Variants in PDGFRB observed in about 807,000 individuals in gnomAD.
PDGFRB encodes the protein platelet derived growth factor receptor beta.
PDGFRB carries 42 observed loss-of-function variants against 120.2 expected under a neutral mutation model. That is an observed-to-expected ratio of 0.35 (90% CI 0.27 to 0.45). The LOEUF (loss-of-function observed/expected upper bound fraction) is 0.45. Ranked by LOEUF, PDGFRB falls within the 20% of genes least tolerant of loss-of-function variation. PDGFRB has a pLI of 1.00. For missense variants in PDGFRB, 1,149 were observed against 1,476.3 expected (o/e 0.78, Z 3.63); for synonymous variants, 586 against 606.8 (o/e 0.97, Z 0.50).
At chr5:150,142,236 G>A (rs1325375134) in intron 1 of PDGFRB, among the ~76,000 whole-genome samples, 1 of 152,096 alleles carries the variant, frequency 6.6e-6, no homozygotes, top group African/African-American at 2.4e-5. Context: ...TGATCGGTGG[G>A]GCTGAAGCTC....
At chr5:150,118,648 G>T in intron 21 of PDGFRB, 99 bp downstream of exon 21, 1 of 781,706 alleles carries the variant, frequency 1.3e-6, no homozygotes, top group South Asian at 1.4e-5. Context: ...ACAAAGGGTG[G>T]TCCCCTAAAT....
intron 22 of PDGFRB, among the ~76,000 whole-genome samples, chr5:150,116,247 A>C (rs1759928853): frequency 6.6e-6 from 1 of 152,148 alleles, no homozygotes; most frequent in Non-Finnish European, 1.5e-5. Flanking sequence ...GCACTCCTAA[A>C]GGTGTATGCT....
In PDGFRB at chr5:150,124,159, C is replaced by T. The variant is rs572666689; in HGVS notation, c.2023+91G>A. On this transcript the variant is annotated intron_variant, in intron 14 of 22. Coordinates refer to ENST00000261799, the MANE Select transcript of PDGFRB (RefSeq NM_002609.4). The stretch of plus-strand genomic sequence containing the variant: ...GCACGGACCCTCCAGCAGGAGTGTG[C>T]TGTTGTGCAAGGCCTGAGGGGGGGG... 3.7e-4 allele frequency: 298 copies of T among 811,834 alleles called. 1 individual carries two copies. The highest frequency in any genetic ancestry group is 5.8e-4 in the Non-Finnish European group (283 of 490,702). 50.3% of individuals were successfully genotyped at this position (811,834 alleles called of 1,614,324 possible).
chr5:150,123,351 T>C (rs1561993475), intron 14 of PDGFRB, 150 bp from the exon 15 acceptor site: 4 of 627,588 alleles, frequency 6.4e-6, no homozygotes, highest in Admixed American at 2.8e-5. Context: ...ATTCTTTTCC[T>C]GCCTCTGTGG....
intron 1 of PDGFRB, among the ~76,000 whole-genome samples, chr5:150,145,235 GCTTA>G (rs1399422604): frequency 3.0e-4 from 46 of 152,234 alleles, no homozygotes; most frequent in Admixed American, 2.5e-3. Flanking sequence ...CTTTCATCTA[GCTTA>G]CTTTATTGTA....
At chr5:150,127,833 T>TAAAAAAAAAAAAAAA (rs56899708) in intron 10 of PDGFRB, among the ~76,000 whole-genome samples, 1 of 62,432 alleles carries the variant, frequency 1.6e-5, no homozygotes, top group African/African-American at 7.4e-5. Flanking sequence ...GACTCCATCT[T>TAAAAAAAAAAAAAAA]AAAAAAAAAA....
chr5:150,124,861 G>T (rs747097770), intron 12 of PDGFRB, 30 bp from the exon 13 acceptor site: 3 of 1,215,216 alleles, frequency 2.5e-6, no homozygotes, highest in Non-Finnish European at 3.6e-6. Context: ...TTAGCTCCTG[G>T]CCTACCAGGA....
At chr5:150,134,667 C>T (rs771957010) in intron 4 of PDGFRB, 83 bp downstream of exon 4, 1 of 1,305,808 alleles carries the variant, frequency 7.7e-7, no homozygotes, top group Non-Finnish European at 1.1e-6. Flanking sequence ...TGGAGTCCCA[C>T]ACTTTGTAAA....
In PDGFRB at chr5:150,120,358, G is replaced by A. The variant is rs569450378; in HGVS notation, c.2587-235C>T. Among the ~76,000 whole-genome samples, 5 of 152,272 alleles carry A rather than the reference G, an allele frequency of 3.3e-5. No homozygotes were observed. In the South Asian group the frequency reaches 1.0e-3, roughly 32 times the overall value. On this transcript the variant is annotated intron_variant, in intron 18 of 22. Transcript: ENST00000261799. The surrounding 1 kb of genome is among the most constrained non-coding windows in gnomAD (Gnocchi z 4.3). Reference sequence around the variant, plus strand: ...TGGGGACAAGGCAGCCCCTGTCCCTGGGGAAAAGCCCCAGGGTCTGAGTAG... The same window carrying A: ...TGGGGACAAGGCAGCCCCTGTCCCTAGGGAAAAGCCCCAGGGTCTGAGTAG...
At chr5:150,119,982 G>T (rs779333925) in intron 19 of PDGFRB, 30 bp downstream of exon 19, 1 of 1,099,512 alleles carries the variant, frequency 9.1e-7, no homozygotes, top group African/African-American at 1.5e-5. Context: ...AGGCCAGGAT[G>T]CTGAGGGCTG....
At chr5:150,134,541 G>A (rs1273491423) in intron 4 of PDGFRB, among the ~76,000 whole-genome samples, 2 of 152,204 alleles carry the variant, frequency 1.3e-5, no homozygotes, top group African/African-American at 2.4e-5. Context: ...TGCCACTATC[G>A]AATTCTGCGA....
rs1395308459 is a variant in PDGFRB, at chr5:150,121,031, G to A, written c.2464-21C>T. 2.5e-6 allele frequency: 4 copies of A among 1,613,060 alleles called. No homozygotes were observed. Among genetic ancestry groups the A allele is most frequent in the Non-Finnish European group, 3.4e-6 (4 of 1,179,176 alleles). The stretch of plus-strand genomic sequence containing the variant: ...ACGCACTGGGTTTGGGGAGAGGGGA[G>A]CTGAGGCCTTGGGGACAATTGTGGG... On this transcript the variant is annotated intron_variant, in intron 17 of 22. Coordinates refer to ENST00000261799, the MANE Select transcript of PDGFRB (RefSeq NM_002609.4). The surrounding 1 kb of genome is among the most constrained non-coding windows in gnomAD (Gnocchi z 4.1).
In PDGFRB at chr5:150,115,939, G is replaced by A. The variant is rs529787907; in HGVS notation, c.3145C>T (p.Leu1049=). 30 of 1,568,010 alleles carry A rather than the reference G, an allele frequency of 1.9e-5. No individual in the cohort carries two copies. In the South Asian group the frequency reaches 2.5e-4, roughly 13 times the overall value. Residue 1049 remains leucine (L), a synonymous_variant, in exon 23 of 23, where the codon CTG becomes TTG. Coordinates refer to ENST00000261799, the MANE Select transcript of PDGFRB (RefSeq NM_002609.4). ...GTTGAGGAGGTGTTGACTTCATTCA[G>A]GGTGGAGCTAGAGGAAAGAGGCAGT... ...EGSPSLASST[L]NEVNTSSTIS...
intron 15 of PDGFRB, 91 bp from the exon 16 acceptor site, chr5:150,122,131 TCA>T (rs1760158807): frequency 1.1e-6 from 1 of 896,246 alleles, no homozygotes; most frequent in South Asian, 1.5e-5. Flanking sequence ...CTTCTCTCAC[TCA>T]CACACTCACT....
At chr5:150,124,545 G>A in intron 13 of PDGFRB, 182 bp downstream of exon 13, 1 of 623,926 alleles carries the variant, frequency 1.6e-6, no homozygotes, top group Non-Finnish European at 2.9e-6. Flanking sequence ...GGCCGAGGAG[G>A]CCAGGGAGAG....
chr5:150,124,183 G>T (rs56103608), intron 14 of PDGFRB, 67 bp downstream of exon 14: 2 of 1,055,842 alleles, frequency 1.9e-6, no homozygotes, highest in African/African-American at 1.6e-5. Context: ...CTGAGGGGGG[G>T]GTAGGCGGGG....
In PDGFRB at chr5:150,155,664, C is replaced by T. The variant is rs1182589940; in HGVS notation, c.-274G>A. On this transcript the variant is annotated 5_prime_UTR_variant, in exon 1 of 23. Transcript: ENST00000261799. ...AAGCATCCTTCGGGAGGAGCAGAGC[C>T]GCCAGAGGGGCCGCCCTGGGTCTGG... 2.3e-5 allele frequency: 9 copies of T among 398,560 alleles called. No individual in the cohort carries two copies. Among genetic ancestry groups the T allele is most frequent in the Middle Eastern group, 6.2e-4 (1 of 1,614 alleles). The allele number at this position is 398,560 out of a possible 1,614,324, so 24.7% of individuals were successfully genotyped here.
At chr5:150,131,174 C>T (rs556163389) in intron 8 of PDGFRB, among the ~76,000 whole-genome samples, 3 of 152,282 alleles carry the variant, frequency 2.0e-5, no homozygotes, top group South Asian at 2.1e-4. Context: ...CTCTTCATTT[C>T]GGTCATAGTA....
intron 1 of PDGFRB, among the ~76,000 whole-genome samples, chr5:150,145,346 G>A (rs557879419): frequency 2.0e-4 from 30 of 152,340 alleles, no homozygotes; most frequent in African/African-American, 7.0e-4. Context: ...TAGCAGTTAA[G>A]TTTTTGGGGA....
Sources: gnomAD v4.1 joint callset for allele counts (sites outside exome capture counted in the v4.1 genomes callset) on GRCh38, gnomAD v4.1.1 for gene constraint, Gnocchi (gnomAD v3.1) non-coding constraint, MANE v1.5 for transcripts, NCBI Gene and HGNC (gene_info 2026-07-23, HGNC 2026-07-21) for gene names.